Variants in GALNT17 observed in about 807,000 individuals in gnomAD.
The protein encoded by GALNT17 is UDP-GalNAc:polypeptide N-acetylgalactosaminyltransferase-like 3.
GALNT17 carries 29 observed loss-of-function variants against 63.7 expected under a neutral mutation model. That is an observed-to-expected ratio of 0.46 (90% CI 0.34 to 0.62). The LOEUF (loss-of-function observed/expected upper bound fraction) is 0.62. Among genes scored for constraint, GALNT17 ranks in the 20% least tolerant of loss-of-function variants. The pLI, the probability that GALNT17 is intolerant of heterozygous loss-of-function variation, is 0.01. For missense variants in GALNT17, 603 were observed against 799.6 expected (o/e 0.75, Z 2.97); for synonymous variants, 305 against 318.3 (o/e 0.96, Z 0.45).
At chr7:71,530,914 A>C (rs1788710457) in intron 5 of GALNT17, among the ~76,000 whole-genome samples, 1 of 152,128 alleles carries the variant, frequency 6.6e-6, no homozygotes, top group Admixed American at 6.6e-5. Context: ...TTAAGCACAC[A>C]ATGATCTAGG....
In GALNT17 at chr7:71,388,348, C is replaced by T. The variant is rs760801965; in HGVS notation, c.536C>T (p.Thr179Met). The T allele has an allele frequency of 1.9e-6, 3 of 1,613,978 alleles. No homozygotes were observed. The highest frequency in any genetic ancestry group is 1.7e-6 in the Non-Finnish European group (2 of 1,179,990). The change falls in exon 3 of 11, where the codon ACG becomes ATG. Residue 179 changes from threonine to methionine, a missense_variant. Thr to Met is a moderately conservative substitution (Grantham distance 81). Coordinates refer to ENST00000333538, the MANE Select transcript of GALNT17 (RefSeq NM_022479.3). Reference protein sequence around the residue: ...LRSVHSAVNHTPTHLLKEIIL... With the variant: ...LRSVHSAVNHMPTHLLKEIIL... ...TCCGTGCACAGTGCCGTCAATCACA[C>T]GCCCACACACCTGCTGAAGGAAATC...
chr7:71,605,918 A>G (rs1790040569), intron 6 of GALNT17, among the ~76,000 whole-genome samples: 1 of 152,054 alleles, frequency 6.6e-6, no homozygotes, highest in African/African-American at 2.4e-5. Context: ...CCACTGTAGC[A>G]CAGTGAATGA....
At chr7:71,435,835 C>A (rs1786950704) in intron 5 of GALNT17, among the ~76,000 whole-genome samples, 1 of 151,772 alleles carries the variant, frequency 6.6e-6, no homozygotes, top group African/African-American at 2.4e-5. Flanking sequence ...CTGGCTAACA[C>A]AGTGAAACCC....
intron 5 of GALNT17, among the ~76,000 whole-genome samples, chr7:71,544,619 T>C (rs1186191463): frequency 6.6e-6 from 1 of 152,156 alleles, no homozygotes; most frequent in East Asian, 1.9e-4. Flanking sequence ...AAGCCCAGGA[T>C]AGAAAATAGC....
intron 1 of GALNT17, among the ~76,000 whole-genome samples, chr7:71,241,199 A>G (rs1023153567): frequency 2.0e-5 from 3 of 152,188 alleles, no homozygotes; most frequent in Admixed American, 1.3e-4. Flanking sequence ...GGATTACTTG[A>G]TACCTTTCTC....
intron 6 of GALNT17, among the ~76,000 whole-genome samples, chr7:71,645,207 T>C (rs953323082): frequency 6.6e-6 from 1 of 152,184 alleles, no homozygotes; most frequent in African/African-American, 2.4e-5. Flanking sequence ...TTTCTCCAGG[T>C]GTTATCATAA....
intron 1 of GALNT17, among the ~76,000 whole-genome samples, chr7:71,286,305 G>A: frequency 6.6e-6 from 1 of 152,212 alleles, no homozygotes; most frequent in Non-Finnish European, 1.5e-5. Context: ...CCCCTGGAGT[G>A]AAGGAACCCT....
chr7:71,562,034 C>T (rs1215782363), intron 5 of GALNT17, among the ~76,000 whole-genome samples: 1 of 152,054 alleles, frequency 6.6e-6, no homozygotes, highest in African/African-American at 2.4e-5. Context: ...TAGCACACTA[C>T]AGTGTCCAAC....
chr7:71,210,190 G>C (rs1789350242), intron 1 of GALNT17, among the ~76,000 whole-genome samples: 1 of 152,092 alleles, frequency 6.6e-6, no homozygotes, highest in African/African-American at 2.4e-5. Flanking sequence ...CCCAAAGTTT[G>C]AGACTTATTC....
intron 1 of GALNT17, among the ~76,000 whole-genome samples, chr7:71,164,709 G>T (rs1788405948): frequency 6.6e-6 from 1 of 152,178 alleles, no homozygotes; most frequent in Admixed American, 6.5e-5. Context: ...GTGTGTGTGT[G>T]CATGTGACAA....
At chr7:71,620,113 C>A (rs947593658) in intron 6 of GALNT17, among the ~76,000 whole-genome samples, 2 of 152,166 alleles carry the variant, frequency 1.3e-5, no homozygotes, top group Non-Finnish European at 2.9e-5. Flanking sequence ...ATAAGTTGAG[C>A]CAGCCTTGTA....
At chr7:71,621,536 T>TGGA (rs71089966) in intron 6 of GALNT17, among the ~76,000 whole-genome samples, 79,333 of 123,368 alleles carry the variant, frequency 0.64, 24,940 homozygotes, top group South Asian at 0.81. Context: ...GATGGATGGA[T>TGGA]TGATGGATTG....
intron 2 of GALNT17, among the ~76,000 whole-genome samples, chr7:71,366,522 A>G (rs1193603235): frequency 6.6e-6 from 1 of 152,150 alleles, no homozygotes; most frequent in South Asian, 2.1e-4. Flanking sequence ...CGGAGGTTGC[A>G]GTGAGCTGAG....
intron 5 of GALNT17, among the ~76,000 whole-genome samples, chr7:71,500,680 A>G (rs184277556): frequency 4.0e-5 from 6 of 151,652 alleles, no homozygotes; most frequent in Admixed American, 3.9e-4. Context: ...GCACATTACT[A>G]CTCTTTCTTC....
intron 1 of GALNT17, among the ~76,000 whole-genome samples, chr7:71,171,157 G>T (rs1283524019): frequency 6.6e-6 from 1 of 152,158 alleles, no homozygotes; most frequent in South Asian, 2.1e-4. Context: ...CTCAAAAGTG[G>T]ATGTGCTCAA....
At chr7:71,160,717 C>G (rs1441401223) in intron 1 of GALNT17, among the ~76,000 whole-genome samples, 1 of 152,190 alleles carries the variant, frequency 6.6e-6, no homozygotes, top group Non-Finnish European at 1.5e-5. Context: ...CCTCGGCCCC[C>G]CAAAGTGTTG....
At chr7:71,327,777 A>G (rs1791729397) in intron 1 of GALNT17, among the ~76,000 whole-genome samples, 1 of 152,218 alleles carries the variant, frequency 6.6e-6, no homozygotes, top group Non-Finnish European at 1.5e-5. Context: ...TAAGGTCTGC[A>G]GAGGCAAGAG....
chr7:71,544,432 A>G (rs1287740481), intron 5 of GALNT17, among the ~76,000 whole-genome samples: 2 of 151,474 alleles, frequency 1.3e-5, no homozygotes, highest in Non-Finnish European at 2.9e-5. Flanking sequence ...GTGAGCCACC[A>G]CACCCGGCCA....
chr7:71,395,412 T>G (rs1459064533), intron 3 of GALNT17, among the ~76,000 whole-genome samples: 2 of 152,248 alleles, frequency 1.3e-5, no homozygotes, highest in African/African-American at 4.8e-5. Context: ...CATATATAAG[T>G]ACTTCATTCT....
Sources: gnomAD v4.1 joint callset for allele counts (sites outside exome capture counted in the v4.1 genomes callset) on GRCh38, gnomAD v4.1.1 for gene constraint, MANE v1.5 for transcripts, NCBI Gene and HGNC (gene_info 2026-07-23, HGNC 2026-07-21) for gene names.